KIF5A: variants seen among roughly 807,000 people sequenced by gnomAD.
KIF5A encodes kinesin family member 5A.
A neutral mutation model predicts 141.3 loss-of-function variants in KIF5A; 35 were observed. The ratio of observed to expected loss-of-function variants is 0.25; its 90% CI spans 0.19 to 0.33. The LOEUF (loss-of-function observed/expected upper bound fraction) is 0.33, where lower values mean the gene tolerates loss of function less well. Among genes scored for constraint, KIF5A ranks in the 10% least tolerant of loss-of-function variants. The pLI is 1.00. For synonymous variants in KIF5A, 448 were observed against 500.2 expected (o/e 0.90, Z 1.39); for missense variants, 861 against 1,314.3 (o/e 0.66, Z 5.33).
chr12:57,551,996 C>G (rs1342519199), intron 1 of KIF5A, among the ~76,000 whole-genome samples: 1 of 151,532 alleles, frequency 6.6e-6, no homozygotes, highest in Non-Finnish European at 1.5e-5. Context: ...TCTGGCTGGG[C>G]TAAAAACAAA....
rs778261137 is a variant in KIF5A at position 57,567,140 on chromosome 12, C to T, written c.516C>T (p.Arg172=). Residue 172 remains arginine, a synonymous_variant, in exon 7 of 29, where the codon CGC becomes CGT. Transcript: ENST00000455537. The part of the protein sequence containing the change: ...RVPFVKGCTE[R]FVSSPEEILD... The stretch of plus-strand genomic sequence containing the variant: ...GTCCCCCACAGGGTTGTACTGAACG[C>T]TTTGTGTCCAGCCCGGAGGAGATTC... The T allele has an allele frequency of 1.2e-6, 2 of 1,612,490 alleles. No homozygotes were observed. Among genetic ancestry groups the T allele is most frequent in the Non-Finnish European group, 1.7e-6 (2 of 1,178,908 alleles).
In KIF5A at chr12:57,550,140, G is replaced by A. The variant is rs547117412; in HGVS notation, c.-132G>A. On this transcript the variant is annotated 5_prime_UTR_variant, in exon 1 of 29. Transcript: ENST00000455537. This position sits in a 1 kb window ranked among gnomAD's most constrained non-coding sequence, Gnocchi z 4.6. The stretch of plus-strand genomic sequence containing the variant: ...GGCCCTGCTCCCCAGGCTTCGCCCG[G>A]GCGCCCTCAACTCTGTCCCCAGAGA... The A allele has an allele frequency of 4.6e-6, 6 of 1,309,856 alleles. No homozygotes were observed. The East Asian group carries it at 7.0e-5, about 15-fold the overall frequency. 81.1% of individuals were successfully genotyped at this position (1,309,856 alleles called of 1,614,324 possible).
In KIF5A at chr12:57,572,119, A is replaced by C; in HGVS notation, c.1421A>C (p.Gln474Pro). 1 of 1,614,166 alleles carries C rather than the reference A, an allele frequency of 6.2e-7. No homozygotes were observed. Among genetic ancestry groups the C allele is most frequent in the Non-Finnish European group, 8.5e-7 (1 of 1,180,040 alleles). Reference protein sequence around the residue: ...EKVQRELSHLQSENDAAKDEV... With the variant: ...EKVQRELSHLPSENDAAKDEV... The stretch of plus-strand genomic sequence containing the variant: ...GTCCAGCGGGAGCTGAGCCACCTGC[A>C]ATCAGAGAACGATGCCGCTAAGGAT... The change falls in exon 14 of 29, where the codon CAA becomes CCA. Residue 474 changes from glutamine (Q) to proline (P), a missense_variant. Physicochemically the swap from Gln to Pro is moderately conservative, Grantham distance 76. Transcript: ENST00000455537. This position sits in a 1 kb window ranked among gnomAD's most constrained non-coding sequence, Gnocchi z 4.2.
chr12:57,576,355 G>A lies in KIF5A; in HGVS notation c.2175G>A (p.Gln725=). The A allele has an allele frequency of 6.2e-7, 1 of 1,613,968 alleles. No individual in the cohort carries two copies. Among genetic ancestry groups the A allele is most frequent in the Non-Finnish European group, 8.5e-7 (1 of 1,179,868 alleles). ...TCCGGGACGAGATCAACGAGAAGCA[G>A]AAGACCATTGATGAGCTCAAAGAGT... is the stretch of plus-strand genomic sequence containing the variant. The part of the protein sequence containing the change: ...ARLRDEINEK[Q]KTIDELKDLN... The change falls in exon 19 of 29, where the codon CAG becomes CAA. Residue 725 remains glutamine (Q), a synonymous_variant. Coordinates refer to ENST00000455537, the MANE Select transcript of KIF5A (RefSeq NM_004984.4).
intron 1 of KIF5A, among the ~76,000 whole-genome samples, chr12:57,558,555 T>A (rs1411225495): frequency 6.6e-6 from 1 of 152,132 alleles, no homozygotes; most frequent in East Asian, 1.9e-4. Flanking sequence ...GCGCCTATAA[T>A]CCCAGCTACT....
chr12:57,568,116 C>T (rs1414822064), intron 8 of KIF5A, among the ~76,000 whole-genome samples: 2 of 152,008 alleles, frequency 1.3e-5, no homozygotes, highest in South Asian at 2.1e-4. Flanking sequence ...CTCCTGACCT[C>T]GGGATCCACC....
intron 8 of KIF5A, among the ~76,000 whole-genome samples, 195 bp from the exon 9 acceptor site, chr12:57,568,768 G>A (rs1359102468): frequency 6.6e-6 from 1 of 152,018 alleles, no homozygotes; most frequent in East Asian, 1.9e-4. Flanking sequence ...CAGGGGTTAG[G>A]GGCAATGTGG....
chr12:57,552,532 C>CG (rs199884127), intron 1 of KIF5A, among the ~76,000 whole-genome samples: 3,123 of 152,148 alleles, frequency 0.021, 43 homozygotes, highest in East Asian at 0.043. Flanking sequence ...TAAATGCTTA[C>CG]GGGGGGGCCA....
At chr12:57,578,206 A>G in intron 22 of KIF5A, 32 bp from the exon 23 acceptor site, 1 of 1,601,468 alleles carries the variant, frequency 6.2e-7, no homozygotes, top group Non-Finnish European at 8.6e-7. Context: ...TGGCCTCAGG[A>G]CAGCCACGTC....
At chr12:57,578,366 A>G in intron 23 of KIF5A, 24 bp downstream of exon 23, 1 of 1,568,916 alleles carries the variant, frequency 6.4e-7, no homozygotes, top group Non-Finnish European at 8.8e-7. Context: ...GAAGGAGTGA[A>G]GAGAATTTTT....
chr12:57,555,031 G>C (rs1881689384), intron 1 of KIF5A, among the ~76,000 whole-genome samples: 1 of 152,206 alleles, frequency 6.6e-6, no homozygotes, highest in South Asian at 2.1e-4. Flanking sequence ...GTTTGGTGTT[G>C]GGGATTTAAA....
At position 57,580,958 on chromosome 12, in the gene KIF5A, G is replaced by T. The variant is rs139023070; in HGVS notation, c.2541G>T (p.Leu847=). ...CTTCCCTTTGGCTTGCCCCATAGCT[G>T]GTACGTGACAATGCAGATCTGCGTT... The part of the protein sequence containing the change: ...LEQLTKVHKQ[L]VRDNADLRCE... Residue 847 remains leucine, a splice_region_variant and synonymous_variant, in exon 24 of 29, where the codon CTG becomes CTT. Coordinates refer to ENST00000455537, the MANE Select transcript of KIF5A (RefSeq NM_004984.4). 6.2e-6 allele frequency: 10 copies of T among 1,613,718 alleles called. No individual in the cohort carries two copies. The highest frequency in any genetic ancestry group is 1.1e-5 in the South Asian group (1 of 91,050).
At chr12:57,568,543 T>C (rs750041494) in intron 8 of KIF5A, among the ~76,000 whole-genome samples, 2 of 151,942 alleles carry the variant, frequency 1.3e-5, no homozygotes, top group African/African-American at 4.8e-5. Context: ...CTGGCCAACA[T>C]AGAGAAACCC....
intron 11 of KIF5A, 47 bp from the exon 12 acceptor site, chr12:57,569,940 G>A (rs1294442873): frequency 6.3e-7 from 1 of 1,598,004 alleles, no homozygotes; most frequent in Non-Finnish European, 8.6e-7. Context: ...ACTCGTGGAT[G>A]CAGCTTCTTC....
In KIF5A at chr12:57,567,223, G is replaced by A. The variant is rs1264948079; in HGVS notation, c.589+10G>A. Reference sequence around the variant, plus strand: ...CATGTGGCTGTCACCAGTGAGTGAGGATACAAGGGGATCTCTCGAGTCTGA... The same window carrying A: ...CATGTGGCTGTCACCAGTGAGTGAGAATACAAGGGGATCTCTCGAGTCTGA... On this transcript the variant is annotated intron_variant, in intron 7 of 28. Transcript: ENST00000455537. 1 of 1,593,476 alleles carries A rather than the reference G, an allele frequency of 6.3e-7. No homozygotes were observed. Among genetic ancestry groups the A allele is most frequent in the Non-Finnish European group, 8.6e-7 (1 of 1,161,856 alleles).
Position 57,573,844 on chromosome 12 carries a change from A to T in KIF5A, c.1716+1118A>T, listed in dbSNP as rs1433294033. Among the ~76,000 whole-genome samples the T allele has an allele frequency of 2.0e-5, 3 of 151,144 alleles. No homozygotes were observed. In the East Asian group the frequency reaches 5.8e-4, roughly 29 times the overall value. ...ACTCCGTCTCAAAAAAAAAAAAAAA[A>T]AAATTTGGGAGGCCGAGGCGAGGTC... On this transcript the variant is annotated intron_variant, in intron 15 of 28. Transcript: ENST00000455537.
rs370558121 is a variant in KIF5A, at chr12:57,575,041, C to T, written c.1717-43C>T. The T allele has an allele frequency of 9.5e-5, 151 of 1,595,820 alleles. No individual in the cohort carries two copies. In the African/African-American group the frequency reaches 1.5e-3, roughly 16 times the overall value. On this transcript the variant is annotated intron_variant, in intron 15 of 28. Coordinates refer to ENST00000455537, the MANE Select transcript of KIF5A (RefSeq NM_004984.4). ...AGGTGGGAGGGAACAGATAAAGCTT[C>T]CCAGCAGCCAAGAAGCATCTCTTCC... is the stretch of plus-strand genomic sequence containing the variant.
At chr12:57,568,592 G>T (rs1052692933) in intron 8 of KIF5A, among the ~76,000 whole-genome samples, 22 of 152,114 alleles carry the variant, frequency 1.4e-4, no homozygotes, top group Non-Finnish European at 2.8e-4. Flanking sequence ...GGGCGTGGTG[G>T]CACATGCCTG....
intron 1 of KIF5A, among the ~76,000 whole-genome samples, chr12:57,555,357 C>T (rs1027632688): frequency 6.6e-6 from 1 of 151,916 alleles, no homozygotes; most frequent in African/African-American, 2.4e-5. Flanking sequence ...CCCTGCTGTA[C>T]AAGGAGCAGT....
Sources: allele counts gnomAD v4.1 joint callset (sites outside exome capture counted in the v4.1 genomes callset), GRCh38; gene constraint gnomAD v4.1.1; non-coding constraint Gnocchi (gnomAD v3.1); transcripts MANE v1.5; gene names NCBI Gene and HGNC (gene_info 2026-07-23, HGNC 2026-07-21).